The following IQCF3 variants were observed in gnomAD, a reference collection of about 807,000 sequenced individuals.
The protein encoded by IQCF3 is IQ domain-containing protein F3.
IQCF3 carries 7 observed loss-of-function variants against 5.1 expected under a neutral mutation model. That is an observed-to-expected ratio of 1.36 (90% CI 0.78 to 2.56). The LOEUF is 2.56. Ranked by LOEUF, IQCF3 falls within the 30% of genes most tolerant of loss-of-function variation. The pLI, the probability that IQCF3 is intolerant of heterozygous loss-of-function variation, is 0.00. For synonymous variants in IQCF3, 82 were observed against 72.8 expected (o/e 1.13, Z -0.64); for missense variants, 189 against 196.5 (o/e 0.96, Z 0.23).
chr3:51,830,487 A>G lies in IQCF3; in HGVS notation c.151A>G (p.Arg51Gly). 1 of 1,613,402 alleles carries G rather than the reference A, an allele frequency of 6.2e-7. No individual in the cohort carries two copies. The highest frequency in any genetic ancestry group is 8.5e-7 in the Non-Finnish European group (1 of 1,179,572). Residue 51 changes from arginine to glycine, a missense_variant, in exon 3 of 3, where the codon AGG (arginine) becomes GGG (glycine). Coordinates refer to ENST00000440739, the MANE Select transcript of IQCF3 (RefSeq NM_001393887.1). This position sits in a 1 kb window ranked among gnomAD's most constrained non-coding sequence, Gnocchi z 4.1. ...CTGGTGGCGTGGGGTCCTGGTGCGC[A>G]GGACCCTGCTGGTTGCTGCCCTCAG... ...QAWWRGVLVR[R>G]TLLVAALRAW...
Position 51,830,624 on chromosome 3 carries a change from C to T in IQCF3, c.288C>T (p.Leu96=). Residue 96 remains leucine (L), a synonymous_variant, in exon 3 of 3, where the codon CTC becomes CTT. Transcript: ENST00000440739. This position sits in a 1 kb window ranked among gnomAD's most constrained non-coding sequence, Gnocchi z 4.1. ...YVIQEQATVK[L]QSCIRMWQCR... ...TCCAGGAGCAGGCGACGGTCAAGCT[C>T]CAGTCCTGCATCCGCATGTGGCAGT... The T allele has an allele frequency of 6.2e-7, 1 of 1,613,998 alleles. No homozygotes were observed. The highest frequency in any genetic ancestry group is 1.1e-5 in the South Asian group (1 of 91,078).
chr3:51,829,450 G>A lies in IQCF3; in HGVS notation c.-26G>A, dbSNP rs1171698964. The A allele has an allele frequency of 1.9e-6, 3 of 1,592,626 alleles. No individual in the cohort carries two copies. The Admixed American group carries it at 5.3e-5, about 28-fold the overall frequency. On this transcript the variant is annotated 5_prime_UTR_variant, in exon 1 of 3. It removes an upstream start codon present in the reference 5' UTR. Coordinates refer to ENST00000440739, the MANE Select transcript of IQCF3 (RefSeq NM_001393887.1). ...CAGGAAACAGCAACCAGAGGGAGAT[G>A]ATCACCTGAACCACTGCTCCAAACC...
intron 1 of IQCF3, 56 bp from the exon 2 acceptor site, chr3:51,829,609 T>C (rs1179563332): frequency 1.2e-6 from 2 of 1,605,842 alleles, no homozygotes; most frequent in African/African-American, 2.7e-5. Flanking sequence ...CTGTGGGGAC[T>C]TTGCAGTCAG....
upstream of IQCF3, among the ~76,000 whole-genome samples, chr3:51,827,946 G>A (rs556214504): frequency 6.6e-6 from 1 of 152,168 alleles, no homozygotes; most frequent in South Asian, 2.1e-4. Context: ...GGTTTACTAA[G>A]CCACTATGAG....
chr3:51,829,404 C>T, upstream of IQCF3: 3 of 1,540,928 alleles, frequency 1.9e-6, no homozygotes, highest in Middle Eastern at 3.3e-4. Context: ...CTTTCTCCAC[C>T]TTTCCTGCCC....
In IQCF3 at chr3:51,830,065, C is replaced by T. The variant is rs1200424075; in HGVS notation, c.67-338C>T. Among the ~76,000 whole-genome samples, 1 of 152,108 alleles carries T rather than the reference C, an allele frequency of 6.6e-6. No individual in the cohort carries two copies. Among genetic ancestry groups the T allele is most frequent in the East Asian group, 1.9e-4 (1 of 5,192 alleles). On this transcript the variant is annotated intron_variant, in intron 2 of 2. Coordinates refer to ENST00000440739, the MANE Select transcript of IQCF3 (RefSeq NM_001393887.1). This position sits in a 1 kb window ranked among gnomAD's most constrained non-coding sequence, Gnocchi z 4.1. ...GCAGCATCATGGCTGGAGTTTGGAC[C>T]AAGACACAGGCCATAAATGCAGAGG... is the stretch of plus-strand genomic sequence containing the variant.
intron 2 of IQCF3, 170 bp downstream of exon 2, chr3:51,829,882 A>T: frequency 1.5e-6 from 1 of 670,074 alleles, no homozygotes; most frequent in Non-Finnish European, 2.6e-6. Flanking sequence ...AAAGGGGAGG[A>T]AGTTTCGTGC....
At position 51,830,600 on chromosome 3, in the gene IQCF3, C is replaced by T. The variant is rs747058563; in HGVS notation, c.264C>T (p.Ile88=). 5.6e-6 allele frequency: 9 copies of T among 1,613,864 alleles called. No homozygotes were observed. In the South Asian group the frequency reaches 7.7e-5, roughly 14 times the overall value. Residue 88 remains isoleucine (I), a synonymous_variant, in exon 3 of 3, where the codon ATC becomes ATT. Transcript: ENST00000440739. The surrounding 1 kb of genome is among the most constrained non-coding windows in gnomAD (Gnocchi z 4.1). ...AGGCCCTGTTGAGGGTCTACGTCAT[C>T]CAGGAGCAGGCGACGGTCAAGCTCC... The part of the protein sequence containing the change: ...RRQALLRVYV[I]QEQATVKLQS...
chr3:51,828,005 T>A (rs1375423535), upstream of IQCF3, among the ~76,000 whole-genome samples: 1 of 152,252 alleles, frequency 6.6e-6, no homozygotes, highest in East Asian at 1.9e-4. Flanking sequence ...CTTTTCTTTA[T>A]AAATTACCCA....
chr3:51,829,394 C>G (rs1698332735), upstream of IQCF3: 20 of 1,514,898 alleles, frequency 1.3e-5, no homozygotes, highest in Non-Finnish European at 1.8e-5. Flanking sequence ...ACGGCCATCT[C>G]TTTCTCCACC....
At chr3:51,829,896 C>T (rs1417194147) in intron 2 of IQCF3, 184 bp downstream of exon 2, 19 of 622,324 alleles carry the variant, frequency 3.1e-5, no homozygotes, top group Non-Finnish European at 5.4e-5. Flanking sequence ...TTCGTGCGCA[C>T]AGCCACCTGA....
In IQCF3 at chr3:51,829,662, C is replaced by T. The variant is rs1559721690; in HGVS notation, c.19-3C>T. 12 of 1,613,608 alleles carry T rather than the reference C, an allele frequency of 7.4e-6. No homozygotes were observed. Among genetic ancestry groups the T allele is most frequent in the Non-Finnish European group, 8.5e-7 (1 of 1,179,834 alleles). On this transcript the variant is annotated splice_polypyrimidine_tract_variant and splice_region_variant and intron_variant, in intron 1 of 2. Transcript: ENST00000440739. ...CTCCCCCACACCCATATTCCGATTG[C>T]AGAAAGGTGGTCCAGATGAAGATGC...
chr3:51,829,242 G>A (rs1698329688), upstream of IQCF3: 1 of 579,020 alleles, frequency 1.7e-6, no homozygotes, highest in East Asian at 2.9e-5. Flanking sequence ...GACAATCTGA[G>A]AAATGATATT....
chr3:51,829,985 A>C, intron 2 of IQCF3: 1 of 506,370 alleles, frequency 2.0e-6, no homozygotes, highest in Non-Finnish European at 3.6e-6. Flanking sequence ...AAGTCCACAA[A>C]AGTGAGATGA....
At chr3:51,829,989 G>C in intron 2 of IQCF3, 1 of 505,350 alleles carries the variant, frequency 2.0e-6, no homozygotes, top group Non-Finnish European at 3.6e-6. Flanking sequence ...CCACAAAAGT[G>C]AGATGAGGGG....
upstream of IQCF3, chr3:51,828,726 A>G (rs775365258): frequency 1.6e-4 from 25 of 152,324 alleles, no homozygotes; most frequent in Middle Eastern, 6.8e-3. Context: ...GAATAGTTTC[A>G]GTAGGAATGG....
chr3:51,829,187 A>C (rs1698328958), upstream of IQCF3: 1 of 474,952 alleles, frequency 2.1e-6, no homozygotes, highest in Non-Finnish European at 3.8e-6. Context: ...AATTAAAGAT[A>C]ACTGTGGAAG....
At chr3:51,829,601 G>A in intron 1 of IQCF3, 64 bp from the exon 2 acceptor site, 1 of 1,602,090 alleles carries the variant, frequency 6.2e-7, no homozygotes, top group South Asian at 1.1e-5. Flanking sequence ...AACTGGGCCT[G>A]TGGGGACTTT....
At chr3:51,828,804 G>C (rs1039119944), upstream of IQCF3, 2 of 152,078 alleles carry the variant, frequency 1.3e-5, no homozygotes, top group East Asian at 3.8e-4. Context: ...GCTTTATTTT[G>C]TTGGTAAGCT....
Sources: gnomAD v4.1 joint callset for allele counts (sites outside exome capture counted in the v4.1 genomes callset) on GRCh38, gnomAD v4.1.1 for gene constraint, Gnocchi (gnomAD v3.1) non-coding constraint, MANE v1.5 for transcripts, NCBI Gene and HGNC (gene_info 2026-07-23, HGNC 2026-07-21) for gene names.